Variants in DRC3 observed in about 807,000 individuals in gnomAD.
DRC3 encodes dynein regulatory complex subunit 3.
In DRC3, 45 loss-of-function variants were observed where a neutral mutation model predicts 57.6. The ratio of observed to expected loss-of-function variants is 0.78; its 90% CI spans 0.62 to 1.00. DRC3 has a LOEUF of 1.00. Ranked by LOEUF, DRC3 falls within the 50% of genes least tolerant of loss-of-function variation. The probability of loss-of-function intolerance (pLI) is 0.00; values close to 1 mark genes in which losing one functional copy is unlikely to be tolerated. For missense variants in DRC3, 655 were observed against 675.2 expected, an observed-to-expected ratio of 0.97 and a Z score of 0.33; for synonymous variants, 257 against 272.3, an observed-to-expected ratio of 0.94 and a Z score of 0.55.
In DRC3 at chr17:18,004,519, T is replaced by C. The variant is rs761035622; in HGVS notation, c.1131+25T>C. On this transcript the variant is annotated intron_variant, in intron 10 of 13. Coordinates refer to ENST00000399187, the MANE Select transcript of DRC3 (RefSeq NM_031294.4). ...GGTAAGGCTGGGCCCTGGGCACAAG[T>C]GCCAGAATCTGGCGATGCAGCTGCA... The C allele has an allele frequency of 3.7e-6, 6 of 1,601,390 alleles. No individual in the cohort carries two copies. The South Asian group carries it at 5.7e-5, about 15-fold the overall frequency.
rs766140604 is a variant in DRC3, at chr17:17,997,485, T to G, written c.850T>G (p.Cys284Gly). ...CTACAAGGACAAGTTTGTCATCATC[T>G]GCGTGAATATTTTTGAGTATGGCCT... ...ETYKDKFVII[C>G]VNIFEYGLKQ... Residue 284 changes from cysteine to glycine, a missense_variant, in exon 9 of 14, where the codon TGC becomes GGC. Coordinates refer to ENST00000399187, the MANE Select transcript of DRC3 (RefSeq NM_031294.4). 1 of 1,613,366 alleles carries G rather than the reference T, an allele frequency of 6.2e-7. No individual in the cohort carries two copies. The highest frequency in any genetic ancestry group is 1.1e-5 in the South Asian group (1 of 90,876).
intron 10 of DRC3, 60 bp downstream of exon 10, chr17:18,004,554 G>C: frequency 1.3e-6 from 2 of 1,568,478 alleles, no homozygotes; most frequent in Non-Finnish European, 1.7e-6. Flanking sequence ...ACATCCATAG[G>C]TGAACTGTAG....
chr17:18,003,347 A>G (rs549785665), intron 9 of DRC3, among the ~76,000 whole-genome samples: 1 of 151,894 alleles, frequency 6.6e-6, no homozygotes, highest in Non-Finnish European at 1.5e-5. Flanking sequence ...TTAGCCGGTC[A>G]TAATGGCAGG....
intron 12 of DRC3, chr17:18,007,675 C>T (rs1322148135): frequency 3.0e-6 from 4 of 1,346,588 alleles, no homozygotes; most frequent in African/African-American, 3.0e-5. Flanking sequence ...AGAAGGCTCT[C>T]CCGGATGTCT....
chr17:17,973,357 G>C (rs1370311812), intron 1 of DRC3, among the ~76,000 whole-genome samples: 2 of 152,078 alleles, frequency 1.3e-5, no homozygotes, highest in Non-Finnish European at 2.9e-5. Context: ...ATTTCATCTT[G>C]GTACTGTATA....
rs930067884 is a variant in DRC3, at chr17:17,980,258, G to T, written c.160+2500G>T. ...TGGACTGTATGTTTTTTTTTTGTTTGTTTGTTTGTTTTGTTTTATTGTTGT... is the reference window on the plus strand; with the variant it reads ...TGGACTGTATGTTTTTTTTTTGTTTTTTTGTTTGTTTTGTTTTATTGTTGT... On this transcript the variant is annotated intron_variant, in intron 3 of 13. Coordinates refer to ENST00000399187, the MANE Select transcript of DRC3 (RefSeq NM_031294.4). 7.3e-5 allele frequency among the ~76,000 whole-genome samples: 11 copies of T among 151,456 alleles called. No individual in the cohort carries two copies. In the East Asian group the frequency reaches 9.8e-4, roughly 14 times the overall value.
chr17:17,975,799 G>A (rs2042359629), intron 2 of DRC3, among the ~76,000 whole-genome samples: 1 of 152,302 alleles, frequency 6.6e-6, no homozygotes, highest in African/African-American at 2.4e-5. Context: ...AAGGGGTAGG[G>A]GTTGAAGGGT....
At chr17:18,015,958 G>C (rs890736609) in intron 12 of DRC3, 106 bp from the exon 13 acceptor site, 1 of 1,239,156 alleles carries the variant, frequency 8.1e-7, no homozygotes, top group Non-Finnish European at 1.1e-6. Flanking sequence ...TCTGAGTGTG[G>C]CCTGCACAGC....
chr17:18,015,280 C>A (rs1467241109), intron 12 of DRC3: 1 of 152,228 alleles, frequency 6.6e-6, no homozygotes, highest in African/African-American at 2.4e-5. Context: ...AAAAAATGCA[C>A]ACTCCACTTG....
At chr17:17,981,340 A>G (rs774416610) in intron 3 of DRC3, 5 of 233,086 alleles carry the variant, frequency 2.1e-5, no homozygotes, top group Non-Finnish European at 4.8e-5. Context: ...ACAGCCTCTC[A>G]TGATGGCGAT....
chr17:18,000,019 T>C (rs936990202), intron 9 of DRC3, among the ~76,000 whole-genome samples: 35 of 151,618 alleles, frequency 2.3e-4, no homozygotes, highest in Middle Eastern at 3.2e-3. Flanking sequence ...TTCTGTACTT[T>C]GCTTTCCTAT....
chr17:18,008,069 C>G lies in DRC3; in HGVS notation c.1326+922C>G, dbSNP rs1165453381. 1.3e-5 allele frequency: 2 copies of G among 159,512 alleles called. No individual in the cohort carries two copies. Among genetic ancestry groups the G allele is most frequent in the East Asian group, 3.8e-4 (2 of 5,212 alleles). 9.9% of individuals were successfully genotyped at this position (159,512 alleles called of 1,614,324 possible). On this transcript the variant is annotated intron_variant, in intron 12 of 13. Transcript: ENST00000399187. The surrounding 1 kb of genome is among the most constrained non-coding windows in gnomAD (Gnocchi z 4.3). ...TAGTCCCCCAGACCCTCGGGCTGAC[C>G]CTGCCCATCTGGGCGATTCCCACCC...
Position 17,977,608 on chromosome 17 carries a change from C to T in DRC3, c.10C>T (p.Pro4Ser). 11 of 1,613,914 alleles carry T rather than the reference C, an allele frequency of 6.8e-6. No homozygotes were observed. Among genetic ancestry groups the T allele is most frequent in the Non-Finnish European group, 8.5e-6 (10 of 1,179,864 alleles). ...GAAAACGTGGGGGAAGATGAACCAG[C>T]CGTGCAACTCGATGGAGCCGAGGGT... MNQ[P>S]CNSMEPRVMD... Residue 4 changes from proline to serine, a missense_variant, in exon 3 of 14, where the codon CCG becomes TCG. Coordinates refer to ENST00000399187, the MANE Select transcript of DRC3 (RefSeq NM_031294.4).
chr17:18,004,402 A>G lies in DRC3; in HGVS notation c.1039A>G (p.Ile347Val), dbSNP rs753818418. Residue 347 changes from isoleucine (I) to valine (V), a missense_variant, in exon 10 of 14, where the codon ATT becomes GTT. Ile to Val is a conservative substitution (Grantham distance 29). Transcript: ENST00000399187. ...TCGAGAGGAGTTGGAACTGCCCAAC[A>G]TTGAGAAGATGATCCTAGAATGCAG... is the stretch of plus-strand genomic sequence containing the variant. ...AIREELELPNIEKMILECSAD... is the reference protein window; with the variant it reads ...AIREELELPNVEKMILECSAD... 2.5e-6 allele frequency: 4 copies of G among 1,608,086 alleles called. No individual in the cohort carries two copies. The highest frequency in any genetic ancestry group is 2.2e-5 in the East Asian group (1 of 44,778).
Position 18,007,158 on chromosome 17 carries a change from C to CG in DRC3, c.1326+14dup. ...AACGACCTGCGCGCGGTAGGCGGGG[C>CG]GGGCTGCTCGGAGCCTGACAGATGT... On this transcript the variant is annotated intron_variant, in intron 12 of 13. Coordinates refer to ENST00000399187, the MANE Select transcript of DRC3 (RefSeq NM_031294.4). 3 of 993,936 alleles carry CG rather than the reference C, an allele frequency of 3.0e-6. No homozygotes were observed. Among genetic ancestry groups the CG allele is most frequent in the Non-Finnish European group, 4.3e-6 (3 of 704,810 alleles). 61.6% of individuals were successfully genotyped at this position (993,936 alleles called of 1,614,324 possible).
At chr17:18,016,525 T>C in intron 13 of DRC3, 33 bp from the exon 14 acceptor site, 1 of 1,420,694 alleles carries the variant, frequency 7.0e-7, no homozygotes, top group Non-Finnish European at 9.9e-7. Context: ...AATGATCTGA[T>C]GTAAGGAATC....
At position 18,007,098 on chromosome 17, in the gene DRC3, A is replaced by T. The variant is rs1284845283; in HGVS notation, c.1277A>T (p.Lys426Met). The T allele has an allele frequency of 7.0e-7, 1 of 1,425,986 alleles. No homozygotes were observed. The highest frequency in any genetic ancestry group is 2.0e-5 in the Admixed American group (1 of 51,044). The allele number at this position is 1,425,986 out of a possible 1,614,324, so 88.3% of individuals were successfully genotyped here. Residue 426 changes from lysine (K) to methionine (M), a missense_variant, in exon 12 of 14, where the codon AAG becomes ATG. Physicochemically the swap from Lys to Met is moderately conservative, Grantham distance 95. Coordinates refer to ENST00000399187, the MANE Select transcript of DRC3 (RefSeq NM_031294.4). ...LLEISISTLEKIVEGDLDEDL... is the reference protein window; with the variant it reads ...LLEISISTLEMIVEGDLDEDL... The stretch of plus-strand genomic sequence containing the variant: ...GAGATCTCTATCAGCACCCTGGAGA[A>T]GATTGTCGAGGGCGACCTGGACGAG...
chr17:17,986,394 C>T (rs1422491580), intron 4 of DRC3, among the ~76,000 whole-genome samples: 2 of 151,410 alleles, frequency 1.3e-5, no homozygotes, highest in Non-Finnish European at 2.9e-5. Context: ...GTCTCAATGT[C>T]AACAGGTGAG....
chr17:17,984,495 A>G (rs572481432), intron 4 of DRC3, among the ~76,000 whole-genome samples: 71 of 152,210 alleles, frequency 4.7e-4, no homozygotes, highest in African/African-American at 1.7e-3. Context: ...TTTTGATGAG[A>G]TGTTCCTTCT....
Sources: gnomAD v4.1 joint callset for allele counts (sites outside exome capture counted in the v4.1 genomes callset) on GRCh38, gnomAD v4.1.1 for gene constraint, Gnocchi (gnomAD v3.1) non-coding constraint, MANE v1.5 for transcripts, NCBI Gene and HGNC (gene_info 2026-07-23, HGNC 2026-07-21) for gene names.